REEP1: variants seen among roughly 807,000 people sequenced by gnomAD.
The protein encoded by REEP1 is receptor expression-enhancing protein 1.
A neutral mutation model predicts 40.3 loss-of-function variants in REEP1; 22 were observed. The ratio of observed to expected loss-of-function variants is 0.55; its 90% CI spans 0.39 to 0.78. REEP1 has a LOEUF of 0.78. REEP1 is among the 30% of genes least tolerant of loss of function. The pLI, the probability that REEP1 is intolerant of heterozygous loss-of-function variation, is 0.00. For missense variants in REEP1, 280 were observed against 361.1 expected, an observed-to-expected ratio of 0.78 and a Z score of 1.82; for synonymous variants, 116 against 139.2, an observed-to-expected ratio of 0.83 and a Z score of 1.17.
intron 1 of REEP1, among the ~76,000 whole-genome samples, chr2:86,306,420 C>G (rs1679481533): frequency 6.6e-6 from 1 of 152,168 alleles, no homozygotes; most frequent in South Asian, 2.1e-4. Flanking sequence ...CTCTCCATCC[C>G]ACCCTTTTCT....
At chr2:86,234,309 G>A (rs557793152) in intron 5 of REEP1, among the ~76,000 whole-genome samples, 1 of 152,232 alleles carries the variant, frequency 6.6e-6, no homozygotes, top group Non-Finnish European at 1.5e-5. Flanking sequence ...CTTGAGTCCA[G>A]GAGTTCGAGA....
In REEP1 at chr2:86,271,253, T is replaced by G. The variant is rs979234098; in HGVS notation, c.106-7212A>C. Among the ~76,000 whole-genome samples the G allele has an allele frequency of 2.8e-5, 4 of 144,002 alleles. No individual in the cohort carries two copies. The East Asian group carries it at 8.2e-4, about 29-fold the overall frequency. The allele number at this position is 144,002 out of a possible 152,430, so 94.5% of individuals were successfully genotyped here. A position where few individuals can be genotyped will look rare whatever the true frequency, so the allele number is the denominator to read the frequency against. On this transcript the variant is annotated intron_variant, in intron 2 of 8. Coordinates refer to ENST00000538924, the MANE Select transcript of REEP1 (RefSeq NM_001371279.1). ...CCAAAGAACCAGGAAGCTCAGTGAATCCCAAGCAAGATAAATACAAAGAAA... is the reference window on the plus strand; with the variant it reads ...CCAAAGAACCAGGAAGCTCAGTGAAGCCCAAGCAAGATAAATACAAAGAAA...
chr2:86,237,818 C>T (rs1045466785), intron 5 of REEP1, among the ~76,000 whole-genome samples: 1 of 152,160 alleles, frequency 6.6e-6, no homozygotes, highest in Non-Finnish European at 1.5e-5. Context: ...CCGTGCCCAG[C>T]TGTGTTCCTT....
intron 1 of REEP1, among the ~76,000 whole-genome samples, chr2:86,288,437 T>TGTGC (rs1678524833): frequency 6.6e-6 from 1 of 152,262 alleles, no homozygotes; most frequent in Non-Finnish European, 1.5e-5. Context: ...ATTACAGGTA[T>TGTGC]GTGCCACCTG....
chr2:86,274,759 G>C (rs886674156), intron 2 of REEP1, among the ~76,000 whole-genome samples: 1 of 152,176 alleles, frequency 6.6e-6, no homozygotes, highest in African/African-American at 2.4e-5. Flanking sequence ...TGGACAAATG[G>C]AACGTTGACA....
intron 1 of REEP1, among the ~76,000 whole-genome samples, chr2:86,324,730 G>A (rs897638939): frequency 6.6e-6 from 1 of 152,092 alleles, no homozygotes; most frequent in African/African-American, 2.4e-5. Context: ...CTTAATTTAT[G>A]TTATCAAGTA....
intron 2 of REEP1, among the ~76,000 whole-genome samples, chr2:86,270,027 G>A: frequency 6.6e-6 from 1 of 152,060 alleles, no homozygotes; most frequent in East Asian, 1.9e-4. Flanking sequence ...CAAAAGATCT[G>A]AACAGACACT....
intron 1 of REEP1, among the ~76,000 whole-genome samples, chr2:86,292,811 C>T (rs1391047635): frequency 6.6e-6 from 1 of 152,148 alleles, no homozygotes; most frequent in East Asian, 1.9e-4. Flanking sequence ...TTTCTGGGGA[C>T]TTGTCTGCTC....
chr2:86,298,946 C>T (rs1487136978), intron 1 of REEP1, among the ~76,000 whole-genome samples: 3 of 152,090 alleles, frequency 2.0e-5, no homozygotes, highest in Admixed American at 6.5e-5. Flanking sequence ...AACAGGAAAA[C>T]GGGTGTGTTT....
At chr2:86,223,283 G>T (rs1302057091) in intron 7 of REEP1, among the ~76,000 whole-genome samples, 1 of 152,224 alleles carries the variant, frequency 6.6e-6, no homozygotes, top group Non-Finnish European at 1.5e-5. Context: ...TCTCTGTGGG[G>T]AAGGGAGGGA....
intron 6 of REEP1, among the ~76,000 whole-genome samples, chr2:86,227,605 ACCTGGCACACAAAGTCAGT>A (rs1211871389): frequency 6.6e-6 from 1 of 152,162 alleles, no homozygotes; most frequent in East Asian, 1.9e-4. Context: ...AGATACCCTC[ACCTGGCACACAAAGTCAGT>A]CCTTGCACCC....
chr2:86,303,640 C>T (rs533889966), intron 1 of REEP1, among the ~76,000 whole-genome samples: 1 of 152,290 alleles, frequency 6.6e-6, no homozygotes, highest in East Asian at 1.9e-4. Context: ...GCTAGTGTTA[C>T]AGGTGTGAGC....
chr2:86,282,231 C>T lies in REEP1; in HGVS notation c.44G>A (p.Gly15Asp). ...IISRLVVLIFGTLYPAYYSYK... is the reference protein window; with the variant it reads ...IISRLVVLIFDTLYPAYYSYK... ...GGAATAATACGCAGGGTAAAGGGTGCCAAATATAAGCCTGGAGGGAAGAGA... is the reference window on the plus strand; with the variant it reads ...GGAATAATACGCAGGGTAAAGGGTGTCAAATATAAGCCTGGAGGGAAGAGA... Residue 15 changes from glycine to aspartate, a missense_variant, in exon 2 of 9, where the codon GGC becomes GAC. Transcript: ENST00000538924. 6.2e-7 allele frequency: 1 copy of T among 1,605,736 alleles called. No individual in the cohort carries two copies. The highest frequency in any genetic ancestry group is 8.5e-7 in the Non-Finnish European group (1 of 1,172,556).
At chr2:86,273,804 C>A (rs890552526) in intron 2 of REEP1, among the ~76,000 whole-genome samples, 3 of 152,184 alleles carry the variant, frequency 2.0e-5, no homozygotes. Context: ...CACACACATT[C>A]CCTGTCATAA....
intron 2 of REEP1, among the ~76,000 whole-genome samples, chr2:86,276,845 T>C (rs1180081857): frequency 6.6e-6 from 1 of 152,148 alleles, no homozygotes; most frequent in African/African-American, 2.4e-5. Context: ...TCAGACCCCA[T>C]CCCAGACCTA....
chr2:86,314,996 A>T (rs1039959404), intron 1 of REEP1, among the ~76,000 whole-genome samples: 45 of 151,962 alleles, frequency 3.0e-4, no homozygotes, highest in Non-Finnish European at 2.6e-4. Flanking sequence ...CCCGACCTGG[A>T]GGCAGTTCTT....
At chr2:86,272,084 G>T (rs1677486550) in intron 2 of REEP1, among the ~76,000 whole-genome samples, 2 of 152,166 alleles carry the variant, frequency 1.3e-5, no homozygotes, top group Admixed American at 1.3e-4. Context: ...ATAGCCAGGT[G>T]TGGTGTACGC....
At chr2:86,251,420 C>A (rs1481296134) in intron 5 of REEP1, 1 of 176,346 alleles carries the variant, frequency 5.7e-6, no homozygotes, top group Non-Finnish European at 1.2e-5. Context: ...TTACTGACCT[C>A]CATGTCTGGA....
chr2:86,273,468 T>TAGAGAC (rs1677577120), intron 2 of REEP1, among the ~76,000 whole-genome samples: 1 of 152,046 alleles, frequency 6.6e-6, no homozygotes, highest in African/African-American at 2.4e-5. Flanking sequence ...GTATTTTTTG[T>TAGAGAC]AGAGACAGGG....
Sources: gnomAD v4.1 joint callset for allele counts (sites outside exome capture counted in the v4.1 genomes callset) on GRCh38, gnomAD v4.1.1 for gene constraint, MANE v1.5 for transcripts, NCBI Gene and HGNC (gene_info 2026-07-23, HGNC 2026-07-21) for gene names.